OTUD4: variants seen among roughly 807,000 people sequenced by gnomAD.
OTUD4 encodes OTU deubiquitinase 4, also known as OTU domain-containing protein 4.
OTUD4 carries 24 observed loss-of-function variants against 130.4 expected under a neutral mutation model. The ratio of observed to expected loss-of-function variants is 0.18; its 90% CI spans 0.13 to 0.26. The LOEUF is 0.26. Among genes scored for constraint, OTUD4 ranks in the 10% least tolerant of loss-of-function variants. OTUD4 has a pLI of 1.00. For synonymous variants in OTUD4, 420 were observed against 472.5 expected, an observed-to-expected ratio of 0.89 and a Z score of 1.44; for missense variants, 1,031 against 1,329.4, an observed-to-expected ratio of 0.78 and a Z score of 3.49.
At chr4:145,165,535 C>A (rs977165519) in intron 3 of OTUD4, among the ~76,000 whole-genome samples, 1 of 151,792 alleles carries the variant, frequency 6.6e-6, no homozygotes, top group East Asian at 1.9e-4. Flanking sequence ...TGGAGTGCAG[C>A]GGCGTGATCT....
At chr4:145,141,251 T>C (rs954637358) in intron 19 of OTUD4, 128 bp downstream of exon 19, 9 of 516,128 alleles carry the variant, frequency 1.7e-5, no homozygotes, top group South Asian at 8.9e-5. Flanking sequence ...AGCTAAAACT[T>C]TGCTGTCCTT....
At position 145,159,647 on chromosome 4, in the gene OTUD4, G is replaced by A; in HGVS notation, c.497-12C>T. On this transcript the variant is annotated splice_polypyrimidine_tract_variant and intron_variant, in intron 6 of 20. Coordinates refer to ENST00000447906, the MANE Select transcript of OTUD4 (RefSeq NM_001366057.1). ...TTCATAAAGGAGAGCTGCAATTAAT[G>A]ACAGACAGATTTTCCAACATTAACT... is the stretch of plus-strand genomic sequence containing the variant. 1 of 1,610,588 alleles carries A rather than the reference G, an allele frequency of 6.2e-7. No homozygotes were observed. The highest frequency in any genetic ancestry group is 1.7e-5 in the Admixed American group (1 of 59,636).
intron 10 of OTUD4, among the ~76,000 whole-genome samples, chr4:145,153,138 C>A (rs904169725): frequency 9.2e-5 from 14 of 152,338 alleles, no homozygotes; most frequent in African/African-American, 3.1e-4. Flanking sequence ...ACCTCCCAGA[C>A]CTCCATATCT....
At chr4:145,146,113 A>G (rs1274360640) in intron 14 of OTUD4, 154 bp downstream of exon 14, 1 of 453,768 alleles carries the variant, frequency 2.2e-6, no homozygotes, top group Non-Finnish European at 3.7e-6. Context: ...AAATATGTGA[A>G]AAGGAAAAAT....
Position 145,179,905 on chromosome 4 carries a change from C to T in OTUD4, c.69G>A (p.Thr23=). 5.2e-6 allele frequency: 8 copies of T among 1,527,970 alleles called. No individual in the cohort carries two copies. Among genetic ancestry groups the T allele is most frequent in the Non-Finnish European group, 6.1e-6 (7 of 1,143,736 alleles). 94.7% of individuals were successfully genotyped at this position (1,527,970 alleles called of 1,614,324 possible). Residue 23 remains threonine, a synonymous_variant, in exon 1 of 21, where the codon ACG becomes ACA. Coordinates refer to ENST00000447906, the MANE Select transcript of OTUD4 (RefSeq NM_001366057.1). ...QGGAGPREDA[T]PMDAYLRKLG... ...GTTTCCGCAGATAGGCGTCCATGGG[C>T]GTCGCGTCCTCGCGGGGCCCCGCGC...
intron 3 of OTUD4, among the ~76,000 whole-genome samples, chr4:145,165,930 G>A (rs1751847912): frequency 6.6e-6 from 1 of 152,192 alleles, no homozygotes; most frequent in East Asian, 2.0e-4. Context: ...GGCAGGCCAA[G>A]GAGGGCGGAT....
At chr4:145,173,814 A>G (rs1561001020) in intron 2 of OTUD4, among the ~76,000 whole-genome samples, 1 of 152,232 alleles carries the variant, frequency 6.6e-6, no homozygotes, top group Non-Finnish European at 1.5e-5. Context: ...TATTTCACAT[A>G]CTACTGAGAA....
chr4:145,141,043 G>GT (rs1750537988), intron 19 of OTUD4, among the ~76,000 whole-genome samples: 1 of 151,744 alleles, frequency 6.6e-6, no homozygotes, highest in Non-Finnish European at 1.5e-5. Context: ...GCATGTGCCT[G>GT]TAGTCATCCC....
In OTUD4 at chr4:145,151,388, CA is replaced by C. The variant is rs568089173; in HGVS notation, c.969-484del. 9.9e-5 allele frequency among the ~76,000 whole-genome samples: 15 copies of C among 152,250 alleles called. No homozygotes were observed. The East Asian group carries it at 2.9e-3, about 29-fold the overall frequency. ...CAGTGGCTCATGCCTGTAATCCCAG[CA>C]CTTAGGGAGGCTGAGGTGGGCAGAT... On this transcript the variant is annotated intron_variant, in intron 11 of 20. Coordinates refer to ENST00000447906, the MANE Select transcript of OTUD4 (RefSeq NM_001366057.1).
At chr4:145,157,684 CAAAAAA>C (rs923938636) in intron 7 of OTUD4, among the ~76,000 whole-genome samples, 4 of 44,092 alleles carry the variant, frequency 9.1e-5, no homozygotes, top group East Asian at 1.2e-3. Context: ...AACTCCGTCT[CAAAAAA>C]AAAAAAAAAA....
intron 3 of OTUD4, among the ~76,000 whole-genome samples, chr4:145,169,507 T>G (rs1489575586): frequency 6.6e-6 from 1 of 152,242 alleles, no homozygotes; most frequent in African/African-American, 2.4e-5. Context: ...TTTTTTGAGA[T>G]GGAGTCTCAC....
At chr4:145,160,696 C>T (rs1407908530) in intron 6 of OTUD4, among the ~76,000 whole-genome samples, 1 of 152,106 alleles carries the variant, frequency 6.6e-6, no homozygotes, top group African/African-American at 2.4e-5. Flanking sequence ...ACCTGTAATT[C>T]CAGCTACGCA....
chr4:145,162,106 G>A (rs1234657214), intron 6 of OTUD4, among the ~76,000 whole-genome samples: 1 of 152,108 alleles, frequency 6.6e-6, no homozygotes, highest in Non-Finnish European at 1.5e-5. Flanking sequence ...CCAAGTAGTT[G>A]GGACCACAGG....
At chr4:145,157,269 C>T (rs1013210647) in intron 7 of OTUD4, among the ~76,000 whole-genome samples, 1 of 152,124 alleles carries the variant, frequency 6.6e-6, no homozygotes, top group Non-Finnish European at 1.5e-5. Flanking sequence ...TGTGTCCCCA[C>T]CCAAAATCTC....
chr4:145,142,230 G>C lies in OTUD4; in HGVS notation c.1788C>G (p.Ala596=), dbSNP rs1303377840. The change falls in exon 18 of 21, where the codon GCC becomes GCG. Residue 596 remains alanine, a synonymous_variant. Coordinates refer to ENST00000447906, the MANE Select transcript of OTUD4 (RefSeq NM_001366057.1). ...CAAAAGTTGTAGGTTCACTTGGCCA[G>C]GCTGGCACAGTGGCTGGTAAAGAAG... ...AVPSLPATVP[A]WPSEPTTFGP... The C allele has an allele frequency of 1.2e-6, 2 of 1,614,036 alleles. No homozygotes were observed. The highest frequency in any genetic ancestry group is 1.7e-5 in the Admixed American group (1 of 60,022).
intron 11 of OTUD4, among the ~76,000 whole-genome samples, chr4:145,151,634 C>CA (rs1553998702): frequency 6.6e-6 from 1 of 151,286 alleles, no homozygotes; most frequent in Non-Finnish European, 1.5e-5. Flanking sequence ...GACTCCATCT[C>CA]AAAAAAAATG....
chr4:145,179,115 T>C (rs1175680302), intron 1 of OTUD4, among the ~76,000 whole-genome samples: 2 of 151,926 alleles, frequency 1.3e-5, no homozygotes, highest in Non-Finnish European at 2.9e-5. Flanking sequence ...TGTTAGAAAA[T>C]GGTTTTGAAA....
At chr4:145,143,877 A>G in intron 16 of OTUD4, 69 bp downstream of exon 16, 1 of 1,134,110 alleles carries the variant, frequency 8.8e-7, no homozygotes, top group Non-Finnish European at 1.3e-6. Context: ...ACCTTCTTCC[A>G]CTTCTTCCTA....
In OTUD4 at chr4:145,133,965, T is replaced by C. The variant is rs11545157; in HGVS notation, c.*3465A>G. On this transcript the variant is annotated 3_prime_UTR_variant, in exon 21 of 21. Coordinates refer to ENST00000447906, the MANE Select transcript of OTUD4 (RefSeq NM_001366057.1). ...ATTTGTACTCAGTGTAAGGCTATTATCGTTTTTCATACATAAAATTTTCTA... is the reference window on the plus strand; with the variant it reads ...ATTTGTACTCAGTGTAAGGCTATTACCGTTTTTCATACATAAAATTTTCTA... 0.079 allele frequency: 12,056 copies of C among 152,726 alleles called. 610 individuals are homozygous for C. Among genetic ancestry groups the C allele is most frequent in the Middle Eastern group, 0.16 (47 of 294 alleles). The allele number at this position is 152,726 out of a possible 1,614,324, so 9.5% of individuals were successfully genotyped here. A position where few individuals can be genotyped will look rare whatever the true frequency, so the allele number is the denominator to read the frequency against.
Sources: allele counts gnomAD v4.1 joint callset (sites outside exome capture counted in the v4.1 genomes callset), GRCh38; gene constraint gnomAD v4.1.1; transcripts MANE v1.5; gene names NCBI Gene and HGNC (gene_info 2026-07-23, HGNC 2026-07-21).